The following EYA4 variants were observed in gnomAD, a reference collection of about 807,000 sequenced individuals.
EYA4 encodes EYA transcriptional coactivator and phosphatase 4, also known as protein phosphatase EYA4.
Under a neutral mutation model 87.9 loss-of-function variants are expected in EYA4, and 31 were observed. That is an observed-to-expected ratio of 0.35 (90% CI 0.27 to 0.48). The LOEUF (loss-of-function observed/expected upper bound fraction) is 0.48. Among genes scored for constraint, EYA4 ranks in the 20% least tolerant of loss-of-function variants. The probability of loss-of-function intolerance (pLI) is 0.99; values close to 1 mark genes in which losing one functional copy is unlikely to be tolerated. For synonymous variants in EYA4, 263 were observed against 270.6 expected (o/e 0.97, Z 0.28); for missense variants, 678 against 761.4 (o/e 0.89, Z 1.29).
At chr6:133,457,932 C>T (rs191436559) in intron 6 of EYA4, among the ~76,000 whole-genome samples, 69 of 152,280 alleles carry the variant, frequency 4.5e-4, no homozygotes, top group African/African-American at 1.5e-3. Flanking sequence ...GAAGGAATTT[C>T]AGAGCTCTCT....
At chr6:133,488,061 C>T (rs1796831230) in intron 13 of EYA4, among the ~76,000 whole-genome samples, 1 of 152,090 alleles carries the variant, frequency 6.6e-6, no homozygotes, top group African/African-American at 2.4e-5. Context: ...ACTGAAGAGC[C>T]CTTGGGCATT....
chr6:133,380,993 C>T (rs1786154221), intron 2 of EYA4, among the ~76,000 whole-genome samples: 1 of 147,858 alleles, frequency 6.8e-6, no homozygotes, highest in Non-Finnish European at 1.5e-5. Context: ...CCTTTTCTTC[C>T]TCTTCTTTTC....
intron 1 of EYA4, among the ~76,000 whole-genome samples, chr6:133,266,016 T>A (rs1046977974): frequency 1.3e-5 from 2 of 152,252 alleles, no homozygotes; most frequent in African/African-American, 4.8e-5. Context: ...ATTCATACTT[T>A]GATGACGTCT....
chr6:133,412,572 A>T (rs182321964), intron 3 of EYA4, among the ~76,000 whole-genome samples: 5 of 152,270 alleles, frequency 3.3e-5, no homozygotes, highest in African/African-American at 1.2e-4. Flanking sequence ...TGTAAAATTT[A>T]TGCATTTTGC....
intron 3 of EYA4, among the ~76,000 whole-genome samples, chr6:133,398,150 T>C (rs1787961476): frequency 6.6e-6 from 1 of 152,184 alleles, no homozygotes; most frequent in African/African-American, 2.4e-5. Flanking sequence ...ATATCAGCCC[T>C]TGTTGCCTAG....
chr6:133,391,015 A>T (rs1473112132), intron 3 of EYA4, among the ~76,000 whole-genome samples: 1 of 152,178 alleles, frequency 6.6e-6, no homozygotes, highest in Non-Finnish European at 1.5e-5. Context: ...TGAAATTGAA[A>T]GGTATGGTTT....
At chr6:133,324,102 A>G (rs1452587528) in intron 2 of EYA4, among the ~76,000 whole-genome samples, 1 of 152,190 alleles carries the variant, frequency 6.6e-6, no homozygotes, top group Non-Finnish European at 1.5e-5. Flanking sequence ...TGAAAATTGG[A>G]CACCAATTCA....
intron 2 of EYA4, among the ~76,000 whole-genome samples, chr6:133,381,197 T>G (rs1295783765): frequency 1.3e-5 from 2 of 151,846 alleles, no homozygotes; most frequent in Non-Finnish European, 2.9e-5. Flanking sequence ...ATTTTCATAT[T>G]GTGTAAGTGT....
At chr6:133,267,569 G>A (rs1213184636) in intron 1 of EYA4, among the ~76,000 whole-genome samples, 1 of 152,106 alleles carries the variant, frequency 6.6e-6, no homozygotes, top group Non-Finnish European at 1.5e-5. Context: ...TTTTAGTAGA[G>A]ACAGGGTTTC....
At chr6:133,301,600 T>G (rs1477667293) in intron 2 of EYA4, among the ~76,000 whole-genome samples, 1 of 152,262 alleles carries the variant, frequency 6.6e-6, no homozygotes, top group East Asian at 1.9e-4. Context: ...TAATTTAATA[T>G]TCACACAATT....
intron 6 of EYA4, among the ~76,000 whole-genome samples, chr6:133,457,638 G>T (rs1794021845): frequency 6.6e-6 from 1 of 152,030 alleles, no homozygotes; most frequent in Non-Finnish European, 1.5e-5. Context: ...ATAAATATTA[G>T]TACTCCAAGA....
At chr6:133,332,803 C>A (rs1264076414) in intron 2 of EYA4, among the ~76,000 whole-genome samples, 1 of 148,738 alleles carries the variant, frequency 6.7e-6, no homozygotes, top group African/African-American at 2.5e-5. Flanking sequence ...ACCTCGTGAT[C>A]CGCCCGCGTT....
chr6:133,442,875 A>G (rs1792443037), intron 3 of EYA4, among the ~76,000 whole-genome samples: 1 of 152,040 alleles, frequency 6.6e-6, no homozygotes, highest in Non-Finnish European at 1.5e-5. Context: ...GATGATGAAT[A>G]TTGTCAAATT....
intron 3 of EYA4, among the ~76,000 whole-genome samples, chr6:133,397,201 C>T (rs1420397021): frequency 6.6e-6 from 1 of 152,154 alleles, no homozygotes; most frequent in Non-Finnish European, 1.5e-5. Flanking sequence ...AAAGCACAAC[C>T]CCTCAATACC....
chr6:133,464,794 C>G lies in EYA4; in HGVS notation c.740C>G (p.Pro247Arg), dbSNP rs767398384. The G allele has an allele frequency of 3.7e-6, 6 of 1,607,086 alleles. No homozygotes were observed. In the Admixed American group the frequency reaches 6.7e-5, roughly 18 times the overall value. The change falls in exon 10 of 20, where the codon CCA (proline) becomes CGA (arginine). Residue 247 changes from proline (P) to arginine (R), a missense_variant. Transcript: ENST00000355286. The part of the protein sequence containing the change: ...SYQMPGSSFA[P>R]SSTIYANNSV... Reference sequence around the variant, plus strand: ...TTACCTCTAGGTTCTAGTTTTGCACCATCATCTACTATTTATGCAAATAAT... The same window carrying G: ...TTACCTCTAGGTTCTAGTTTTGCACGATCATCTACTATTTATGCAAATAAT...
chr6:133,246,025 A>G (rs1445152087), intron 1 of EYA4, among the ~76,000 whole-genome samples: 4 of 152,208 alleles, frequency 2.6e-5, no homozygotes, highest in Non-Finnish European at 5.9e-5. Flanking sequence ...TCACACCTCC[A>G]GAAAAAGAGA....
At chr6:133,350,990 G>T (rs1433542326) in intron 2 of EYA4, among the ~76,000 whole-genome samples, 1 of 150,796 alleles carries the variant, frequency 6.6e-6, no homozygotes, top group Non-Finnish European at 1.5e-5. Context: ...TTTTTCTTCT[G>T]CTTACATTTT....
At chr6:133,299,599 C>A (rs1737443868) in intron 2 of EYA4, among the ~76,000 whole-genome samples, 1 of 151,612 alleles carries the variant, frequency 6.6e-6, no homozygotes, top group African/African-American at 2.4e-5. Flanking sequence ...GTGGTCCCAG[C>A]TACTCGGGAG....
chr6:133,425,868 AG>A (rs1790626657), intron 3 of EYA4, among the ~76,000 whole-genome samples: 1 of 150,686 alleles, frequency 6.6e-6, no homozygotes, highest in Non-Finnish European at 1.5e-5. Flanking sequence ...CATTGCCTGT[AG>A]GCTAAAATTC....
Sources: gnomAD v4.1 joint callset for allele counts (sites outside exome capture counted in the v4.1 genomes callset) on GRCh38, gnomAD v4.1.1 for gene constraint, MANE v1.5 for transcripts, NCBI Gene and HGNC (gene_info 2026-07-23, HGNC 2026-07-21) for gene names.